Variants in ATF7 observed in about 807,000 individuals in gnomAD.
The protein encoded by ATF7 is cyclic AMP-dependent transcription factor ATF-7.
A neutral mutation model predicts 50.4 loss-of-function variants in ATF7; 10 were observed. The ratio of observed to expected loss-of-function variants is 0.20; its 90% CI spans 0.12 to 0.34. ATF7 has a LOEUF of 0.34. Among genes scored for constraint, ATF7 ranks in the 10% least tolerant of loss-of-function variants. The pLI, the probability that ATF7 is intolerant of heterozygous loss-of-function variation, is 1.00. For synonymous variants in ATF7, 201 were observed against 226.4 expected (o/e 0.89, Z 1.01); for missense variants, 465 against 613.9 (o/e 0.76, Z 2.56).
intron 2 of ATF7, among the ~76,000 whole-genome samples, chr12:53,585,721 A>C (rs3852551): frequency 0.51 from 77,034 of 151,886 alleles, 20,111 homozygotes; most frequent in East Asian, 0.95. Flanking sequence ...TATGCCCCAG[A>C]CACTGATTTT....
intron 9 of ATF7, among the ~76,000 whole-genome samples, chr12:53,529,676 C>A (rs896665485): frequency 7.1e-6 from 1 of 140,050 alleles, no homozygotes; most frequent in Non-Finnish European, 1.5e-5. Context: ...TATATATATA[C>A]ACACATATAT....
At chr12:53,547,743 A>T (rs1940034204) in intron 3 of ATF7, among the ~76,000 whole-genome samples, 1 of 139,568 alleles carries the variant, frequency 7.2e-6, no homozygotes, top group South Asian at 2.4e-4. Flanking sequence ...ATGCTCGGCT[A>T]ATTTTATGTA....
chr12:53,620,935 C>T (rs1241876687), intron 1 of ATF7, among the ~76,000 whole-genome samples: 2 of 151,862 alleles, frequency 1.3e-5, no homozygotes, highest in Non-Finnish European at 2.9e-5. Context: ...CAAGGGAGGT[C>T]GAGTACAGAA....
At chr12:53,536,759 G>A (rs1369310125) in intron 5 of ATF7, among the ~76,000 whole-genome samples, 1 of 151,912 alleles carries the variant, frequency 6.6e-6, no homozygotes, top group Non-Finnish European at 1.5e-5. Context: ...GTGGTGGCAC[G>A]CACCTGTAGT....
chr12:53,624,470 G>A (rs1944525818), intron 1 of ATF7, among the ~76,000 whole-genome samples: 1 of 152,230 alleles, frequency 6.6e-6, no homozygotes, highest in Admixed American at 6.5e-5. Flanking sequence ...GTTATTAATT[G>A]GCTATATTAG....
chr12:53,532,478 G>A (rs7307804), intron 8 of ATF7, 32 bp downstream of exon 8: 293,287 of 1,500,122 alleles, frequency 0.2, 33,311 homozygotes, highest in East Asian at 0.58. Context: ...TTTCAGAAAG[G>A]CCAACATTGC....
At chr12:53,571,968 G>A (rs1179359569) in intron 2 of ATF7, among the ~76,000 whole-genome samples, 2 of 151,914 alleles carry the variant, frequency 1.3e-5, no homozygotes, top group Admixed American at 6.6e-5. Flanking sequence ...TCGGCAGGCC[G>A]AGGCAGGAGA....
chr12:53,535,638 A>C (rs1939175516), intron 5 of ATF7, among the ~76,000 whole-genome samples: 1 of 152,184 alleles, frequency 6.6e-6, no homozygotes, highest in South Asian at 2.1e-4. Flanking sequence ...TACATGTACT[A>C]TATTTCAATA....
At chr12:53,552,234 G>T (rs1940409228) in intron 3 of ATF7, among the ~76,000 whole-genome samples, 1 of 151,998 alleles carries the variant, frequency 6.6e-6, no homozygotes, top group Admixed American at 6.6e-5. Context: ...GGGATCTTTT[G>T]TCTGTAAATC....
intron 1 of ATF7, 38 bp from the exon 2 acceptor site, chr12:53,601,059 T>C: frequency 7.1e-7 from 1 of 1,415,964 alleles, no homozygotes. Flanking sequence ...TTATGTTAAA[T>C]ATGCTGGAGC....
Position 53,513,387 on chromosome 12 carries a change from T to C in ATF7, c.*3750A>G, listed in dbSNP as rs1487483401. ...ACACAGAGAAATCAGTCCTGTACTA[T>C]GAGAGGGATGACTAGAGTTATGGGA... On this transcript the variant is annotated 3_prime_UTR_variant, in exon 12 of 12. Coordinates refer to ENST00000420353, the MANE Select transcript of ATF7 (RefSeq NM_006856.3). 1 of 152,164 alleles carries C rather than the reference T, an allele frequency of 6.6e-6. No homozygotes were observed. The highest frequency in any genetic ancestry group is 1.5e-5 in the Non-Finnish European group (1 of 68,032). The allele number at this position is 152,164 out of a possible 1,614,324, so 9.4% of individuals were successfully genotyped here. A position where few individuals can be genotyped will look rare whatever the true frequency, so the allele number is the denominator to read the frequency against.
chr12:53,614,131 G>A (rs1382743607), intron 1 of ATF7, among the ~76,000 whole-genome samples: 5 of 152,134 alleles, frequency 3.3e-5, no homozygotes, highest in Non-Finnish European at 7.3e-5. Context: ...CTTCATACAG[G>A]CAACTACTTG....
chr12:53,577,705 G>C (rs934067135), intron 2 of ATF7, among the ~76,000 whole-genome samples: 2 of 142,256 alleles, frequency 1.4e-5, no homozygotes, highest in African/African-American at 5.3e-5. Flanking sequence ...GAAAGAGCGA[G>C]ACTCCGTCTC....
intron 2 of ATF7, among the ~76,000 whole-genome samples, chr12:53,564,517 T>A (rs1941330211): frequency 6.6e-6 from 1 of 152,202 alleles, no homozygotes; most frequent in Non-Finnish European, 1.5e-5. Context: ...TCTTTTAAGA[T>A]CTCAATTATT....
Position 53,603,040 on chromosome 12 carries a change from G to A in ATF7, c.-21-2019C>T, listed in dbSNP as rs554251533. Among the ~76,000 whole-genome samples the A allele has an allele frequency of 9.9e-5, 15 of 152,216 alleles. No homozygotes were observed. In the East Asian group the frequency reaches 2.3e-3, roughly 23 times the overall value. On this transcript the variant is annotated intron_variant, in intron 1 of 11. Coordinates refer to ENST00000420353, the MANE Select transcript of ATF7 (RefSeq NM_006856.3). ...CACAAAATGAGAATTTTATTTCAAC[G>A]AGGTCCTCTAATATATTTTCAACCA...
chr12:53,622,360 C>G (rs1408665876), intron 1 of ATF7, among the ~76,000 whole-genome samples: 1 of 151,862 alleles, frequency 6.6e-6, no homozygotes, highest in Admixed American at 6.6e-5. Flanking sequence ...GTGGCTCACA[C>G]CTGTAATCCC....
intron 9 of ATF7, among the ~76,000 whole-genome samples, chr12:53,530,684 T>G (rs973264985): frequency 2.0e-5 from 3 of 152,172 alleles, no homozygotes; most frequent in Non-Finnish European, 2.9e-5. Context: ...CTCAGCTCAC[T>G]GCAACCTCCA....
At chr12:53,593,776 A>G (rs919994523) in intron 2 of ATF7, among the ~76,000 whole-genome samples, 1 of 152,244 alleles carries the variant, frequency 6.6e-6, no homozygotes, top group African/African-American at 2.4e-5. Flanking sequence ...AGAAGACTTT[A>G]CTAACAGCTT....
chr12:53,511,306 C>T (rs1441482066), downstream of ATF7, among the ~76,000 whole-genome samples: 4 of 152,108 alleles, frequency 2.6e-5, no homozygotes, highest in Admixed American at 6.5e-5. Context: ...TGGAGTGCAA[C>T]GGCACGATCT....
Sources: gnomAD v4.1 joint callset for allele counts (sites outside exome capture counted in the v4.1 genomes callset) on GRCh38, gnomAD v4.1.1 for gene constraint, MANE v1.5 for transcripts, NCBI Gene and HGNC (gene_info 2026-07-23, HGNC 2026-07-21) for gene names.